The following GRM8 variants were observed in gnomAD, a reference collection of about 807,000 sequenced individuals.
GRM8 encodes glutamate metabotropic receptor 8, also known as metabotropic glutamate receptor 8.
A neutral mutation model predicts 87.2 loss-of-function variants in GRM8; 47 were observed. The observed-to-expected ratio is 0.54, with a 90% CI of 0.43 to 0.69. The LOEUF is 0.69. Ranked by LOEUF, GRM8 falls within the 30% of genes least tolerant of loss-of-function variation. The pLI is 0.00. For synonymous variants in GRM8, 396 were observed against 404.5 expected (o/e 0.98, Z 0.25); for missense variants, 1,019 against 1,139.2 (o/e 0.89, Z 1.52).
chr7:126,750,788 C>T (rs772255235), intron 7 of GRM8, among the ~76,000 whole-genome samples: 5 of 152,016 alleles, frequency 3.3e-5, no homozygotes, highest in Admixed American at 6.6e-5. Flanking sequence ...AGGTTCTTTG[C>T]TTTCTCTTTT....
intron 8 of GRM8, among the ~76,000 whole-genome samples, chr7:126,600,733 C>T (rs1286652982): frequency 6.6e-6 from 1 of 152,040 alleles, no homozygotes; most frequent in Non-Finnish European, 1.5e-5. Flanking sequence ...AATAATATGA[C>T]TCTACCAAAT....
chr7:126,693,067 A>C (rs1489815892), intron 7 of GRM8, among the ~76,000 whole-genome samples: 1 of 152,194 alleles, frequency 6.6e-6, no homozygotes, highest in Non-Finnish European at 1.5e-5. Flanking sequence ...TAACAAACTA[A>C]TCGCCTCAAA....
chr7:126,514,914 T>C (rs1309139090), intron 9 of GRM8, among the ~76,000 whole-genome samples: 1 of 152,050 alleles, frequency 6.6e-6, no homozygotes, highest in Non-Finnish European at 1.5e-5. Flanking sequence ...AAAAATGAGC[T>C]AGCAAACTCA....
chr7:126,858,329 A>G (rs1407160919), intron 6 of GRM8, among the ~76,000 whole-genome samples: 1 of 152,098 alleles, frequency 6.6e-6, no homozygotes, highest in African/African-American at 2.4e-5. Flanking sequence ...GAATTTTTAA[A>G]TTTACTCCTA....
In GRM8 at chr7:126,961,823, G is replaced by A. The variant is rs546660087; in HGVS notation, c.728-57140C>T. On this transcript the variant is annotated intron_variant, in intron 3 of 10. Transcript: ENST00000339582. Reference sequence around the variant, plus strand: ...ACATCTGATAGTCAGGCAAAGCTGAGGCCTGTTCTCCAGTTAAAGGAGAAT... The same window carrying A: ...ACATCTGATAGTCAGGCAAAGCTGAAGCCTGTTCTCCAGTTAAAGGAGAAT... Among the ~76,000 whole-genome samples, 77 of 152,306 alleles carry A rather than the reference G, an allele frequency of 5.1e-4. 1 individual carries two copies. The highest frequency in any genetic ancestry group is 3.7e-3 in the Admixed American group (56 of 15,294).
chr7:127,041,911 C>A (rs1316349393), intron 3 of GRM8, among the ~76,000 whole-genome samples: 2 of 152,144 alleles, frequency 1.3e-5, no homozygotes, highest in East Asian at 3.9e-4. Flanking sequence ...GTCGAGGGAG[C>A]TCTGATTGGT....
At chr7:126,729,806 A>C (rs1813401064) in intron 7 of GRM8, among the ~76,000 whole-genome samples, 1 of 152,154 alleles carries the variant, frequency 6.6e-6, no homozygotes, top group Admixed American at 6.6e-5. Flanking sequence ...TTGTAAGAAT[A>C]AGTAAATGTC....
chr7:126,887,470 C>A (rs1489472330), intron 6 of GRM8, among the ~76,000 whole-genome samples: 1 of 152,002 alleles, frequency 6.6e-6, no homozygotes, highest in Admixed American at 6.6e-5. Flanking sequence ...AGTGTCTGTG[C>A]TTGAAGTGAA....
intron 2 of GRM8, among the ~76,000 whole-genome samples, chr7:127,153,797 C>G (rs1792551829): frequency 6.6e-6 from 1 of 152,092 alleles, no homozygotes; most frequent in Non-Finnish European, 1.5e-5. Flanking sequence ...TCTGAATTGT[C>G]TGAACACAAA....
At chr7:126,786,007 A>G (rs1414287492) in intron 6 of GRM8, among the ~76,000 whole-genome samples, 1 of 152,100 alleles carries the variant, frequency 6.6e-6, no homozygotes, top group Non-Finnish European at 1.5e-5. Flanking sequence ...CAGTCTTTTG[A>G]GGTTTTCTGG....
intron 2 of GRM8, among the ~76,000 whole-genome samples, chr7:127,197,336 A>C (rs1310917050): frequency 6.6e-6 from 1 of 152,244 alleles, no homozygotes; most frequent in Non-Finnish European, 1.5e-5. Flanking sequence ...CTACACAGAT[A>C]GACAATTGTC....
intron 6 of GRM8, among the ~76,000 whole-genome samples, chr7:126,784,637 C>G (rs1027932945): frequency 6.6e-6 from 1 of 152,104 alleles, no homozygotes; most frequent in African/African-American, 2.4e-5. Context: ...GAAGACCTAA[C>G]CATTTATTGG....
intron 6 of GRM8, among the ~76,000 whole-genome samples, chr7:126,800,477 A>G: frequency 6.6e-6 from 1 of 152,212 alleles, no homozygotes; most frequent in Non-Finnish European, 1.5e-5. Flanking sequence ...CTTATATTCA[A>G]TGAAAAAGAA....
chr7:127,224,867 G>A (rs1449994470), intron 2 of GRM8, among the ~76,000 whole-genome samples: 2 of 152,104 alleles, frequency 1.3e-5, no homozygotes, highest in African/African-American at 2.4e-5. Flanking sequence ...TGCCCGCCTT[G>A]GCCTCCTAAA....
At chr7:126,804,306 A>G (rs1792426126) in intron 6 of GRM8, among the ~76,000 whole-genome samples, 1 of 152,218 alleles carries the variant, frequency 6.6e-6, no homozygotes, top group East Asian at 1.9e-4. Context: ...CTTTCCAAAT[A>G]TTCCAAACAT....
intron 6 of GRM8, among the ~76,000 whole-genome samples, chr7:126,855,944 G>A (rs1286326104): frequency 6.6e-6 from 1 of 152,136 alleles, no homozygotes; most frequent in African/African-American, 2.4e-5. Context: ...CTGGCTTCCT[G>A]ATGCCATTTG....
intron 3 of GRM8, among the ~76,000 whole-genome samples, chr7:127,014,884 C>G (rs1815249315): frequency 1.3e-5 from 2 of 148,248 alleles, no homozygotes; most frequent in Non-Finnish European, 3.0e-5. Context: ...CCGCTTCATA[C>G]TTCAGGCACA....
chr7:126,770,151 G>T (rs1818684010), intron 6 of GRM8, 86 bp from the exon 7 acceptor site: 1 of 865,058 alleles, frequency 1.2e-6, no homozygotes, highest in Non-Finnish European at 1.9e-6. Flanking sequence ...ATCATTTGAG[G>T]AACACTTAAT....
At chr7:126,494,472 T>C (rs1018152706) in intron 9 of GRM8, among the ~76,000 whole-genome samples, 1 of 152,046 alleles carries the variant, frequency 6.6e-6, no homozygotes, top group Non-Finnish European at 1.5e-5. Flanking sequence ...ATTCAAGTCT[T>C]GATGTTAATC....
Sources: allele counts gnomAD v4.1 joint callset (sites outside exome capture counted in the v4.1 genomes callset), GRCh38; gene constraint gnomAD v4.1.1; transcripts MANE v1.5; gene names NCBI Gene and HGNC (gene_info 2026-07-23, HGNC 2026-07-21).